The following BAZ2B variants were observed in gnomAD, a reference collection of about 807,000 sequenced individuals.
The protein encoded by BAZ2B is bromodomain adjacent to zinc finger domain 2B.
In BAZ2B, 91 loss-of-function variants were observed where a neutral mutation model predicts 246.0. The observed-to-expected ratio is 0.37, with a 90% confidence interval of 0.31 to 0.44. The LOEUF is 0.44. Among genes scored for constraint, BAZ2B ranks in the 20% least tolerant of loss-of-function variants. The pLI is 1.00. For synonymous variants in BAZ2B, 855 were observed against 860.0 expected (o/e 0.99, Z 0.10); for missense variants, 2,332 against 2,533.7 (o/e 0.92, Z 1.71).
chr2:159,399,308 AATT>A (rs2064584153), intron 17 of BAZ2B, among the ~76,000 whole-genome samples: 1 of 152,124 alleles, frequency 6.6e-6, no homozygotes, highest in South Asian at 2.1e-4. Context: ...AATAAATAAA[AATT>A]ATTTCAAGAA....
intron 1 of BAZ2B, among the ~76,000 whole-genome samples, chr2:159,610,145 A>G (rs918969): frequency 0.54 from 82,679 of 151,870 alleles, 23,384 homozygotes; most frequent in East Asian, 0.74. Flanking sequence ...CAATGATCTC[A>G]TAGGAAAAAA....
At chr2:159,686,597 T>C in the BAZ2B span, among the ~76,000 whole-genome samples, 6 of 144,222 alleles carry the variant, frequency 4.2e-5, no homozygotes, top group Admixed American at 3.4e-4. Context: ...AATTGGATCT[T>C]GAACAGAAGA....
chr2:159,497,914 T>C (rs1189025622), intron 2 of BAZ2B, among the ~76,000 whole-genome samples: 3 of 152,170 alleles, frequency 2.0e-5, no homozygotes, highest in African/African-American at 2.4e-5. Flanking sequence ...TATACTCCTT[T>C]AAATATACGC....
chr2:159,405,515 A>T (rs932703323), intron 14 of BAZ2B, among the ~76,000 whole-genome samples: 2 of 152,056 alleles, frequency 1.3e-5, no homozygotes, highest in Non-Finnish European at 2.9e-5. Flanking sequence ...CCAGCCGAGG[A>T]TATAATATTT....
intron 36 of BAZ2B, among the ~76,000 whole-genome samples, 186 bp downstream of exon 36, chr2:159,324,625 T>TACAC (rs60009917): frequency 5.3e-5 from 7 of 132,956 alleles, no homozygotes; most frequent in Non-Finnish European, 9.8e-5. Flanking sequence ...TCTAACCAAA[T>TACAC]ACACACACAC....
rs1432985753 is a variant in BAZ2B, at chr2:159,341,536, G to A, written c.5455-3764C>T. On this transcript the variant is annotated intron_variant, in intron 31 of 36. Transcript: ENST00000392783. ...TCTGCACCATAGACCAAATGGACAC[G>A]TACAGAACATTTCATCCACCAGCTG... is the stretch of plus-strand genomic sequence containing the variant. Among the ~76,000 whole-genome samples, 17 of 152,178 alleles carry A rather than the reference G, an allele frequency of 1.1e-4. 1 individual carries two copies. In the Middle Eastern group the frequency reaches 0.01, roughly 91 times the overall value.
At chr2:159,448,548 ATTTTC>A in intron 4 of BAZ2B, 139 bp from the exon 5 acceptor site, 1 of 1,001,880 alleles carries the variant, frequency 1.0e-6, no homozygotes, top group Non-Finnish European at 1.4e-6. Flanking sequence ...ACTTCTGATC[ATTTTC>A]CTAATTCTAA....
At chr2:159,641,218 C>T in the BAZ2B span, among the ~76,000 whole-genome samples, 1 of 152,176 alleles carries the variant, frequency 6.6e-6, no homozygotes, top group African/African-American at 2.4e-5. Context: ...TCTCCACAAC[C>T]TCACCAGCAT....
At chr2:159,614,579 A>C (rs528652080) in intron 1 of BAZ2B, among the ~76,000 whole-genome samples, 1 of 152,288 alleles carries the variant, frequency 6.6e-6, no homozygotes, top group Non-Finnish European at 1.5e-5. Flanking sequence ...GGAGCAAATA[A>C]GAAAGGGAAT....
intron 13 of BAZ2B, among the ~76,000 whole-genome samples, chr2:159,427,191 T>C (rs2070092124): frequency 6.6e-6 from 1 of 152,146 alleles, no homozygotes; most frequent in African/African-American, 2.4e-5. Flanking sequence ...TCATCACTCC[T>C]TAACTGGGAC....
intron 1 of BAZ2B, among the ~76,000 whole-genome samples, chr2:159,611,193 T>G (rs891326887): frequency 6.6e-6 from 1 of 151,932 alleles, no homozygotes; most frequent in African/African-American, 2.4e-5. Flanking sequence ...AAATTCCTAC[T>G]TAAACTACAG....
intron 1 of BAZ2B, among the ~76,000 whole-genome samples, chr2:159,577,062 C>G (rs1685517311): frequency 6.6e-6 from 1 of 151,290 alleles, no homozygotes; most frequent in East Asian, 1.9e-4. Flanking sequence ...CCTCATTTTT[C>G]CAAAAAATTT....
At chr2:159,523,111 T>C (rs898230082) in intron 2 of BAZ2B, among the ~76,000 whole-genome samples, 1 of 151,706 alleles carries the variant, frequency 6.6e-6, no homozygotes, top group East Asian at 1.9e-4. Flanking sequence ...TACAAAAAAA[T>C]AAAATAATTA....
At chr2:159,349,329 T>A (rs1395963440) in intron 28 of BAZ2B, 49 bp from the exon 29 acceptor site, 64 of 1,467,862 alleles carry the variant, frequency 4.4e-5, no homozygotes, top group Non-Finnish European at 5.5e-5. Flanking sequence ...CTCTAAGAAG[T>A]TAGGAAAAAT....
the BAZ2B span, among the ~76,000 whole-genome samples, chr2:159,645,092 T>C: frequency 2.0e-5 from 3 of 151,940 alleles, no homozygotes; most frequent in Non-Finnish European, 1.5e-5. Context: ...CTGGGCAACA[T>C]GGTGAAAACT....
At chr2:159,630,090 A>G in the BAZ2B span, among the ~76,000 whole-genome samples, 1 of 152,234 alleles carries the variant, frequency 6.6e-6, no homozygotes, top group Non-Finnish European at 1.5e-5. Context: ...TGGGTATCTC[A>G]TAAAACCTGT....
At chr2:159,554,972 G>A (rs1382659297) in intron 2 of BAZ2B, among the ~76,000 whole-genome samples, 1 of 151,724 alleles carries the variant, frequency 6.6e-6, no homozygotes, top group East Asian at 1.9e-4. Flanking sequence ...ATATCTGGAA[G>A]ACTCTATAAA....
intron 3 of BAZ2B, among the ~76,000 whole-genome samples, 185 bp downstream of exon 3, chr2:159,478,390 T>C (rs891123273): frequency 1.3e-5 from 2 of 152,154 alleles, no homozygotes; most frequent in Non-Finnish European, 2.9e-5. Context: ...TCCTAGGAAG[T>C]ATAGAATAAC....
chr2:159,519,205 A>ATTTT (rs2083771094), intron 2 of BAZ2B, among the ~76,000 whole-genome samples: 2 of 56,514 alleles, frequency 3.5e-5, no homozygotes, highest in Admixed American at 2.1e-4. Context: ...TTCATATTCT[A>ATTTT]TTTTCTTTTT....
Sources: gnomAD v4.1 joint callset for allele counts (sites outside exome capture counted in the v4.1 genomes callset) on GRCh38, gnomAD v4.1.1 for gene constraint, MANE v1.5 for transcripts, NCBI Gene and HGNC (gene_info 2026-07-23, HGNC 2026-07-21) for gene names.